CACNA2D4: variants seen among roughly 807,000 people sequenced by gnomAD.
CACNA2D4 encodes the protein voltage-dependent calcium channel subunit alpha-2/delta-4.
A neutral mutation model predicts 163.8 loss-of-function variants in CACNA2D4; 157 were observed. The ratio of observed to expected loss-of-function variants is 0.96; its 90% CI spans 0.84 to 1.09. The LOEUF is 1.09. Ranked by LOEUF, CACNA2D4 falls within the 50% of genes least tolerant of loss-of-function variation. The probability of loss-of-function intolerance (pLI) is 0.00; values close to 1 mark genes in which losing one functional copy is unlikely to be tolerated. For missense variants in CACNA2D4, 1,410 were observed against 1,479.9 expected (o/e 0.95, Z 0.78); for synonymous variants, 598 against 586.9 (o/e 1.02, Z -0.27).
chr12:1,875,484 G>C lies in CACNA2D4; in HGVS notation c.1720-147C>G, dbSNP rs1193941024. ...ATCCAGTAATTACTTAAGGTTATCT[G>C]GGCAAATTCCACCTGATACAGAGCT... On this transcript the variant is annotated intron_variant, in intron 16 of 37. Coordinates refer to ENST00000382722, the MANE Select transcript of CACNA2D4 (RefSeq NM_172364.5). The surrounding 1 kb of genome is among the most constrained non-coding windows in gnomAD (Gnocchi z 4.0). The C allele has an allele frequency of 2.7e-5, 17 of 625,592 alleles. No individual in the cohort carries two copies. Among genetic ancestry groups the C allele is most frequent in the Non-Finnish European group, 4.7e-5 (16 of 338,354 alleles). 38.8% of individuals were successfully genotyped at this position (625,592 alleles called of 1,614,324 possible).
At chr12:1,910,887 C>G (rs1367990550) in intron 3 of CACNA2D4, among the ~76,000 whole-genome samples, 3 of 152,024 alleles carry the variant, frequency 2.0e-5, no homozygotes, top group Non-Finnish European at 4.4e-5. Context: ...TAACCGGATT[C>G]TGTTTGGGGC....
chr12:1,879,810 GTTC>G lies in CACNA2D4; in HGVS notation c.1554_1556del (p.Lys518del). 1.3e-6 allele frequency: 2 copies of G among 1,599,682 alleles called. No individual in the cohort carries two copies. Among genetic ancestry groups the G allele is most frequent in the Non-Finnish European group, 8.5e-7 (1 of 1,173,036 alleles). ...TCCAGGAGCGGCCACTCACCGTTTC[GTTC>G]TTCTTGCTGAAGACTGGCATGGCCA... On this transcript the variant is annotated inframe_deletion, in exon 14 of 38. Coordinates refer to ENST00000382722, the MANE Select transcript of CACNA2D4 (RefSeq NM_172364.5).
At position 1,885,058 on chromosome 12, in the gene CACNA2D4, C is replaced by G; in HGVS notation, c.1087G>C (p.Glu363Gln). 3.7e-6 allele frequency: 6 copies of G among 1,613,920 alleles called. No individual in the cohort carries two copies. Among genetic ancestry groups the G allele is most frequent in the African/African-American group, 1.3e-5 (1 of 75,048 alleles). ...CCCACACCTTTGACCATCAACTCCT[C>G]CACCAGCAGTTTGAAATGCTGCCAT... ...DNREHFKLLV[E>Q]ELMVKGVGVV... Residue 363 changes from glutamate to glutamine, a missense_variant, in exon 10 of 38, where the codon GAG becomes CAG. Transcript: ENST00000382722.
Position 1,878,221 on chromosome 12 carries a change from A to G in CACNA2D4, c.1719+94T>C. 7.2e-7 allele frequency: 1 copy of G among 1,391,078 alleles called. No individual in the cohort carries two copies. Among genetic ancestry groups the G allele is most frequent in the Non-Finnish European group, 1.0e-6 (1 of 1,001,346 alleles). 86.2% of individuals were successfully genotyped at this position (1,391,078 alleles called of 1,614,324 possible). A position where few individuals can be genotyped will look rare whatever the true frequency, so the allele number is the denominator to read the frequency against. On this transcript the variant is annotated intron_variant, in intron 16 of 37. Transcript: ENST00000382722. The surrounding 1 kb of genome is among the most constrained non-coding windows in gnomAD (Gnocchi z 4.6). ...TATTACCCACTGGGTTCCTAAATGGAGCCCAATGTGTGTTTGTTGTTTTAA... is the reference window on the plus strand; with the variant it reads ...TATTACCCACTGGGTTCCTAAATGGGGCCCAATGTGTGTTTGTTGTTTTAA...
At position 1,820,313 on chromosome 12, in the gene CACNA2D4, C is replaced by G. The variant is rs1864040698; in HGVS notation, c.2552-8590G>C. 6.6e-6 allele frequency: 1 copy of G among 152,162 alleles called. No homozygotes were observed. Among genetic ancestry groups the G allele is most frequent in the Admixed American group, 6.5e-5 (1 of 15,288 alleles). 9.4% of individuals were successfully genotyped at this position (152,162 alleles called of 1,614,324 possible). ...GAGGTGGTGGTGAAACCGCTTTCCT[C>G]CTCCCTGTGGTCGGCAGCGATTCAT... On this transcript the variant is annotated intron_variant, in intron 26 of 37. Coordinates refer to ENST00000382722, the MANE Select transcript of CACNA2D4 (RefSeq NM_172364.5). This position sits in a 1 kb window ranked among gnomAD's most constrained non-coding sequence, Gnocchi z 6.0.
chr12:1,828,171 C>T lies in CACNA2D4; in HGVS notation c.2551+12568G>A. 6.5e-7 allele frequency: 1 copy of T among 1,546,314 alleles called. No individual in the cohort carries two copies. Among genetic ancestry groups the T allele is most frequent in the Non-Finnish European group, 8.7e-7 (1 of 1,145,038 alleles). On this transcript the variant is annotated intron_variant, in intron 26 of 37. Transcript: ENST00000382722. The surrounding 1 kb of genome is among the most constrained non-coding windows in gnomAD (Gnocchi z 4.2). ...ACCATGCTGGCGCCGGGCAGCAGCC[C>T]TGGGCAGAGGGGCAGGCTCGCCCTG...
intron 26 of CACNA2D4, among the ~76,000 whole-genome samples, chr12:1,824,712 C>G (rs1366488509): frequency 2.6e-5 from 4 of 152,248 alleles, no homozygotes; most frequent in Admixed American, 2.6e-4. Context: ...CTCCAAGCTT[C>G]CCAATGTAGG....
intron 2 of CACNA2D4, among the ~76,000 whole-genome samples, chr12:1,913,572 G>A (rs1866887755): frequency 6.6e-6 from 1 of 152,220 alleles, no homozygotes; most frequent in Non-Finnish European, 1.5e-5. Flanking sequence ...CAATGTCCCA[G>A]AAGAGGCATC....
At chr12:1,860,867 C>T (rs1012310357) in intron 18 of CACNA2D4, among the ~76,000 whole-genome samples, 1 of 152,222 alleles carries the variant, frequency 6.6e-6, no homozygotes, top group African/African-American at 2.4e-5. Context: ...TGGCTAAGGG[C>T]ATGGCTGGGC....
intron 5 of CACNA2D4, 118 bp from the exon 6 acceptor site, chr12:1,907,689 T>C: frequency 8.5e-7 from 1 of 1,177,992 alleles, no homozygotes; most frequent in Non-Finnish European, 1.2e-6. Context: ...GCGTGCCTGG[T>C]GGGTGTGCCT....
chr12:1,800,983 C>T, intron 31 of CACNA2D4, 60 bp downstream of exon 31: 1 of 1,520,810 alleles, frequency 6.6e-7, no homozygotes, highest in South Asian at 1.1e-5. Flanking sequence ...GACCTCATTC[C>T]AGGACAGGGC....
Position 1,909,928 on chromosome 12 carries a change from T to C in CACNA2D4, c.464A>G (p.His155Arg). The C allele has an allele frequency of 1.2e-6, 2 of 1,613,832 alleles. No homozygotes were observed. Residue 155 changes from histidine to arginine, a missense_variant, in exon 4 of 38, where the codon CAC becomes CGC. Transcript: ENST00000382722. The part of the protein sequence containing the change: ...VEAAEEADLN[H>R]EFNESLVFDY... ...CACCACCAGGGATTCATTGAATTCG[T>C]GGTTCAGGTCGGCCTCCTCGGCAGC...
chr12:1,809,690 G>A, intron 29 of CACNA2D4: 3 of 632,370 alleles, frequency 4.7e-6, no homozygotes, highest in Non-Finnish European at 8.5e-6. Flanking sequence ...CAGCCAGCGG[G>A]GGCGGGGGGA....
Position 1,810,547 on chromosome 12 carries a change from T to C in CACNA2D4, c.2654A>G (p.Asp885Gly). Residue 885 changes from aspartate to glycine, a missense_variant, in exon 28 of 38, where the codon GAC (aspartate) becomes GGC (glycine). Asp to Gly is a moderately conservative substitution (Grantham distance 94). Coordinates refer to ENST00000382722, the MANE Select transcript of CACNA2D4 (RefSeq NM_172364.5). Reference sequence around the variant, plus strand: ...CCTCACACGGGCAGAACTTACACTGTCCTCGCAGCTCTGTGTGCACGGCCC... The same window carrying C: ...CCTCACACGGGCAGAACTTACACTGCCCTCGCAGCTCTGTGTGCACGGCCC... ...VDGPCTQSCE[D>G]SDLDCFVIDN... 1.3e-6 allele frequency: 2 copies of C among 1,553,426 alleles called. No individual in the cohort carries two copies. The highest frequency in any genetic ancestry group is 1.7e-6 in the Non-Finnish European group (2 of 1,147,938).
Position 1,806,081 on chromosome 12 carries a change from A to G in CACNA2D4, c.2721+4197T>C, listed in dbSNP as rs1863527637. On this transcript the variant is annotated intron_variant, in intron 29 of 37. Transcript: ENST00000382722. The surrounding 1 kb of genome is among the most constrained non-coding windows in gnomAD (Gnocchi z 4.1). ...CTGAGAGATCCAGGTCCCTCAGGGA[A>G]AGGTGCTGGGATGGGGCCTCGGATT... 6.6e-6 allele frequency among the ~76,000 whole-genome samples: 1 copy of G among 152,148 alleles called. No individual in the cohort carries two copies. The highest frequency in any genetic ancestry group is 6.5e-5 in the Admixed American group (1 of 15,278).
chr12:1,907,631 G>A, intron 5 of CACNA2D4, 60 bp from the exon 6 acceptor site: 1 of 1,510,300 alleles, frequency 6.6e-7, no homozygotes, highest in Non-Finnish European at 9.1e-7. Flanking sequence ...TGGTGATCAT[G>A]CCCGGTGAGG....
intron 26 of CACNA2D4, among the ~76,000 whole-genome samples, chr12:1,816,804 G>A (rs985761966): frequency 1.3e-5 from 2 of 151,858 alleles, no homozygotes; most frequent in Non-Finnish European, 2.9e-5. Context: ...GGACACACAT[G>A]CATGCACACA....
chr12:1,861,403 T>C (rs1865521775), intron 18 of CACNA2D4, among the ~76,000 whole-genome samples: 1 of 151,964 alleles, frequency 6.6e-6, no homozygotes. Flanking sequence ...AAGGAGCAGC[T>C]GGCTGGAGTG....
intron 6 of CACNA2D4, among the ~76,000 whole-genome samples, chr12:1,889,236 T>C (rs1866221680): frequency 6.6e-6 from 1 of 152,242 alleles, no homozygotes; most frequent in Non-Finnish European, 1.5e-5. Context: ...GAGGACTTAC[T>C]TTAAGAAGAA....
Sources: allele counts gnomAD v4.1 joint callset (sites outside exome capture counted in the v4.1 genomes callset), GRCh38; gene constraint gnomAD v4.1.1; non-coding constraint Gnocchi (gnomAD v3.1); transcripts MANE v1.5; gene names NCBI Gene and HGNC (gene_info 2026-07-23, HGNC 2026-07-21).